CNTNAP5: variants seen among roughly 807,000 people sequenced by gnomAD.
CNTNAP5 encodes contactin-associated protein-like 5.
A neutral mutation model predicts 150.2 loss-of-function variants in CNTNAP5; 72 were observed. That is an observed-to-expected ratio of 0.48 (90% CI 0.40 to 0.58). The LOEUF (loss-of-function observed/expected upper bound fraction) is 0.58, where lower values mean the gene tolerates loss of function less well. Ranked by LOEUF, CNTNAP5 falls within the 20% of genes least tolerant of loss-of-function variation. The probability of loss-of-function intolerance (pLI) is 0.00; values close to 1 mark genes in which losing one functional copy is unlikely to be tolerated. For missense variants in CNTNAP5, 1,636 were observed against 1,626.2 expected (o/e 1.01, Z -0.10); for synonymous variants, 672 against 619.8 (o/e 1.08, Z -1.25).
chr2:124,066,512 T>A (rs577912767), intron 1 of CNTNAP5, among the ~76,000 whole-genome samples: 6 of 152,284 alleles, frequency 3.9e-5, no homozygotes, highest in Non-Finnish European at 7.4e-5. Context: ...CAAAGTTTCC[T>A]GTCCTGCAGG....
intron 1 of CNTNAP5, among the ~76,000 whole-genome samples, chr2:124,170,247 T>TAC (rs201052959): frequency 3.8e-5 from 4 of 105,480 alleles, no homozygotes; most frequent in Non-Finnish European, 5.8e-5. Context: ...AATATATATA[T>TAC]ATATGTTTTT....
intron 1 of CNTNAP5, among the ~76,000 whole-genome samples, chr2:124,089,329 G>T (rs1331445329): frequency 6.6e-6 from 1 of 151,590 alleles, no homozygotes; most frequent in Non-Finnish European, 1.5e-5. Context: ...ACTCTGTACT[G>T]GGCGTTTGAC....
At chr2:124,364,506 G>C (rs774686826) in intron 3 of CNTNAP5, among the ~76,000 whole-genome samples, 1 of 151,996 alleles carries the variant, frequency 6.6e-6, no homozygotes, top group Non-Finnish European at 1.5e-5. Flanking sequence ...CTAAACTTCT[G>C]CTAGTCATAT....
At chr2:124,559,683 G>C (rs1012107415) in intron 10 of CNTNAP5, among the ~76,000 whole-genome samples, 10 of 152,188 alleles carry the variant, frequency 6.6e-5, no homozygotes, top group South Asian at 6.2e-4. Context: ...TAATGTCTTC[G>C]ATGCTCAGTT....
At position 124,240,400 on chromosome 2, in the gene CNTNAP5, T is replaced by C. The variant is rs534901694; in HGVS notation, c.188-1800T>C. Among the ~76,000 whole-genome samples, 386 of 152,156 alleles carry C rather than the reference T, an allele frequency of 2.5e-3. 1 individual carries two copies. Among genetic ancestry groups the C allele is most frequent in the African/African-American group, 8.7e-3 (362 of 41,520 alleles). ...CTAGCCTGGAAGTGGCACAAATTAT[T>C]CCCACTCACATTCTTATTGGAGAGA... On this transcript the variant is annotated intron_variant, in intron 2 of 23. Coordinates refer to ENST00000682447, the MANE Select transcript of CNTNAP5 (RefSeq NM_001367498.1).
At chr2:124,600,345 G>A (rs1696957313) in intron 11 of CNTNAP5, among the ~76,000 whole-genome samples, 1 of 152,138 alleles carries the variant, frequency 6.6e-6, no homozygotes, top group African/African-American at 2.4e-5. Context: ...TAGAAATGAG[G>A]GAAGCTGAAG....
intron 13 of CNTNAP5, among the ~76,000 whole-genome samples, chr2:124,649,829 T>C (rs1416456979): frequency 6.6e-6 from 1 of 152,198 alleles, no homozygotes; most frequent in Non-Finnish European, 1.5e-5. Flanking sequence ...TGGTACATAA[T>C]AGGTATTCAA....
chr2:124,860,129 A>C (rs112184485), intron 19 of CNTNAP5, among the ~76,000 whole-genome samples: 2,402 of 151,948 alleles, frequency 0.016, 58 homozygotes, highest in African/African-American at 0.055. Flanking sequence ...AAGTGGGTGG[A>C]TCATGAGGTC....
intron 3 of CNTNAP5, among the ~76,000 whole-genome samples, chr2:124,398,714 C>T (rs952363160): frequency 2.6e-5 from 4 of 152,078 alleles, no homozygotes; most frequent in South Asian, 4.1e-4. Flanking sequence ...CTCCCGACCT[C>T]GGGTGATCCA....
chr2:124,445,777 A>G (rs549861075), intron 5 of CNTNAP5, among the ~76,000 whole-genome samples: 38 of 152,346 alleles, frequency 2.5e-4, no homozygotes, highest in African/African-American at 8.9e-4. Flanking sequence ...TTCAGTTACT[A>G]AGGAACCTAA....
intron 3 of CNTNAP5, among the ~76,000 whole-genome samples, chr2:124,329,672 C>T (rs996574913): frequency 3.9e-5 from 6 of 152,056 alleles, no homozygotes; most frequent in African/African-American, 1.4e-4. Flanking sequence ...GCAAAGGATA[C>T]CATTAAACCA....
chr2:124,574,519 C>T (rs1241829701), intron 11 of CNTNAP5, among the ~76,000 whole-genome samples: 1 of 152,176 alleles, frequency 6.6e-6, no homozygotes. Context: ...ACTGTTACCT[C>T]AAATAGGCTT....
chr2:124,392,188 T>C (rs1441955605), intron 3 of CNTNAP5, among the ~76,000 whole-genome samples: 3 of 152,166 alleles, frequency 2.0e-5, no homozygotes, highest in Non-Finnish European at 2.9e-5. Flanking sequence ...TAGCATTTAC[T>C]ATACACCAAG....
At chr2:124,225,361 T>C (rs2104745235) in intron 2 of CNTNAP5, among the ~76,000 whole-genome samples, 1 of 152,272 alleles carries the variant, frequency 6.6e-6, no homozygotes, top group South Asian at 2.1e-4. Flanking sequence ...TGAATCTGTG[T>C]AGTGCTATTG....
At chr2:124,477,891 C>T (rs1209156083) in intron 7 of CNTNAP5, among the ~76,000 whole-genome samples, 2 of 152,022 alleles carry the variant, frequency 1.3e-5, no homozygotes, top group African/African-American at 2.4e-5. Context: ...TCACTACCTA[C>T]CATTTTGCTA....
At chr2:124,691,331 G>A (rs1430752760) in intron 13 of CNTNAP5, among the ~76,000 whole-genome samples, 4 of 152,094 alleles carry the variant, frequency 2.6e-5, no homozygotes, top group Non-Finnish European at 5.9e-5. Context: ...GGTAAAGTTA[G>A]AGTAATGCTT....
chr2:124,030,376 A>G (rs1681011732), intron 1 of CNTNAP5, among the ~76,000 whole-genome samples: 1 of 152,164 alleles, frequency 6.6e-6, no homozygotes, highest in South Asian at 2.1e-4. Flanking sequence ...CAGTTTACAG[A>G]TGAGCATATT....
intron 6 of CNTNAP5, among the ~76,000 whole-genome samples, chr2:124,468,500 G>T (rs1430464662): frequency 1.3e-5 from 2 of 151,970 alleles, no homozygotes; most frequent in Non-Finnish European, 2.9e-5. Context: ...AGCAGTTCCG[G>T]CAGTTGACTA....
chr2:124,820,097 A>G (rs1429005705), intron 19 of CNTNAP5, among the ~76,000 whole-genome samples: 1 of 152,144 alleles, frequency 6.6e-6, no homozygotes, highest in Admixed American at 6.5e-5. Context: ...ATGAGTGTGC[A>G]TTGTTTTTTC....
Sources: allele counts gnomAD v4.1 joint callset (sites outside exome capture counted in the v4.1 genomes callset), GRCh38; gene constraint gnomAD v4.1.1; transcripts MANE v1.5; gene names NCBI Gene and HGNC (gene_info 2026-07-23, HGNC 2026-07-21).